The following CUX1 variants were observed in gnomAD, a reference collection of about 807,000 sequenced individuals.
CUX1 encodes cut like homeobox 1.
Under a neutral mutation model 158.8 loss-of-function variants are expected in CUX1, and 31 were observed. That is an observed-to-expected ratio of 0.20 (90% confidence interval 0.15 to 0.26). The LOEUF (loss-of-function observed/expected upper bound fraction) is 0.26, where lower values mean the gene tolerates loss of function less well. Ranked by LOEUF, CUX1 falls within the 10% of genes least tolerant of loss-of-function variation. The probability of loss-of-function intolerance (pLI) is 1.00; values close to 1 mark genes in which losing one functional copy is unlikely to be tolerated. For missense variants in CUX1, 1,589 were observed against 2,014.6 expected, an observed-to-expected ratio of 0.79 and a Z score of 4.04; for synonymous variants, 879 against 862.1, an observed-to-expected ratio of 1.02 and a Z score of -0.34.
chr7:102,216,707 ACT>A lies in CUX1; in HGVS notation c.3131-10656_3131-10655del, dbSNP rs556427408. 4.7e-3 allele frequency among the ~76,000 whole-genome samples: 591 copies of A among 125,528 alleles called. 7 individuals carry two copies. Among genetic ancestry groups the A allele is most frequent in the African/African-American group, 0.018 (564 of 31,644 alleles). The allele number at this position is 125,528 out of a possible 152,430, so 82.4% of individuals were successfully genotyped here. Reference sequence around the variant, plus strand: ...CTCCCCCACACACACTCCCACACGCACTCTCCACACACACATGCACACAGAGT... The same window carrying A: ...CTCCCCCACACACACTCCCACACGCACTCCACACACACATGCACACAGAGT... On this transcript the variant is annotated intron_variant, in intron 20 of 23. Coordinates refer to ENST00000292535, the MANE Select transcript of CUX1 (RefSeq NM_181552.4).
intron 1 of CUX1, among the ~76,000 whole-genome samples, chr7:101,859,785 C>T (rs1034639300): frequency 1.6e-4 from 24 of 152,104 alleles, no homozygotes; most frequent in African/African-American, 5.6e-4. Flanking sequence ...AAGATCCTAG[C>T]AGAAGGTTGC....
Position 102,170,350 on chromosome 7 carries a change from TAGTC to T in CUX1, c.724-89_724-86del, listed in dbSNP as rs1254954820. On this transcript the variant is annotated intron_variant, in intron 9 of 23. Transcript: ENST00000292535. ...GTTGAGTGTTTAGGAAAATCAATTA[TAGTC>T]AGTCAGGCATGAATTGATGAATGTT... is the stretch of plus-strand genomic sequence containing the variant. 6.0e-4 allele frequency: 494 copies of T among 825,326 alleles called. 5 individuals are homozygous for T. In the Middle Eastern group the frequency reaches 8.7e-3, roughly 15 times the overall value. The allele number at this position is 825,326 out of a possible 1,614,324, so 51.1% of individuals were successfully genotyped here.
chr7:101,935,521 TCTGCTGTGGGTGCCCTGCA>T (rs1416147842), intron 2 of CUX1, among the ~76,000 whole-genome samples: 1 of 152,232 alleles, frequency 6.6e-6, no homozygotes, highest in Non-Finnish European at 1.5e-5. Flanking sequence ...TGCTGGCACA[TCTGCTGTGGGTGCCCTGCA>T]CTTCTCCGGG....
intron 14 of CUX1, chr7:102,264,603 G>C (rs1790666467): frequency 6.6e-6 from 1 of 152,578 alleles, no homozygotes; most frequent in Non-Finnish European, 1.5e-5. Context: ...TCCTGGCTCT[G>C]GTGGGGAAAC....
chr7:101,816,899 C>A (rs1359487414), upstream of CUX1: 1 of 980,348 alleles, frequency 1.0e-6, no homozygotes, highest in Non-Finnish European at 1.2e-6. Flanking sequence ...TCCGGCACCC[C>A]GCGTGTGGCT....
chr7:102,248,125 T>A lies in CUX1; in HGVS notation c.3888-287T>A, dbSNP rs1300833962. The stretch of plus-strand genomic sequence containing the variant: ...CACCTGGGCAGCAACAGGGAAATTC[T>A]GTCTCAAAAAATAAAAATTAAAATA... On this transcript the variant is annotated intron_variant, in intron 23 of 23. Coordinates refer to ENST00000292535, the MANE Select transcript of CUX1 (RefSeq NM_181552.4). This position sits in a 1 kb window ranked among gnomAD's most constrained non-coding sequence, Gnocchi z 5.8. Among the ~76,000 whole-genome samples the A allele has an allele frequency of 6.6e-6, 1 of 152,220 alleles. No homozygotes were observed. Among genetic ancestry groups the A allele is most frequent in the Non-Finnish European group, 1.5e-5 (1 of 68,030 alleles).
intron 2 of CUX1, among the ~76,000 whole-genome samples, chr7:101,955,052 TC>T (rs1299633659): frequency 6.6e-6 from 1 of 151,828 alleles, no homozygotes; most frequent in East Asian, 1.9e-4. Context: ...ACACCTGTAA[TC>T]CCAGCTACTC....
At chr7:102,243,677 T>TAATAATAAA (rs544002750) in intron 23 of CUX1, among the ~76,000 whole-genome samples, 2,165 of 138,848 alleles carry the variant, frequency 0.016, 20 homozygotes, top group African/African-American at 0.034. Context: ...ATAATAATAA[T>TAATAATAAA]AAAATAAATG....
At position 102,201,854 on chromosome 7, in the gene CUX1, GGCAGCGGTGGCA is replaced by G. The variant is rs781874039; in HGVS notation, c.2560_2571del (p.Ser854_Ser857del). On this transcript the variant is annotated inframe_deletion, in exon 18 of 24. Coordinates refer to ENST00000292535, the MANE Select transcript of CUX1 (RefSeq NM_181552.4). The surrounding 1 kb of genome is among the most constrained non-coding windows in gnomAD (Gnocchi z 5.0). The stretch of plus-strand genomic sequence containing the variant: ...AGAAACGGGCGGCGGGAAAGAGAAG[GGCAGCGGTGGCA>G]GCGGAGGTGGCAGCCAGCCTCGGGC... 7 of 1,611,462 alleles carry G rather than the reference GGCAGCGGTGGCA, an allele frequency of 4.3e-6. No individual in the cohort carries two copies. Among genetic ancestry groups the G allele is most frequent in the Non-Finnish European group, 4.2e-6 (5 of 1,179,886 alleles).
rs1789917820 is a variant in CUX1 at position 102,256,595 on chromosome 7, T to G, written c.*7553T>G. 3 of 985,262 alleles carry G rather than the reference T, an allele frequency of 3.0e-6. No homozygotes were observed. Among genetic ancestry groups the G allele is most frequent in the African/African-American group, 3.5e-5 (2 of 57,220 alleles). 61.0% of individuals were successfully genotyped at this position (985,262 alleles called of 1,614,324 possible). A position where few individuals can be genotyped will look rare whatever the true frequency, so the allele number is the denominator to read the frequency against. On this transcript the variant is annotated 3_prime_UTR_variant, in exon 24 of 24. Coordinates refer to ENST00000292535, the MANE Select transcript of CUX1 (RefSeq NM_181552.4). ...GGTGGTCTCTATGTGTCTAACTTTTTAAATGAGAGTGTTTATGAACAAAAA... is the reference window on the plus strand; with the variant it reads ...GGTGGTCTCTATGTGTCTAACTTTTGAAATGAGAGTGTTTATGAACAAAAA...
rs945278299 is a variant in CUX1, at chr7:101,941,136, C to T, written c.141+24911C>T. On this transcript the variant is annotated intron_variant, in intron 2 of 23. Transcript: ENST00000292535. ...GCTTGTTTCCATGGACGCAGCCAGC[C>T]GGGCAGCCTGTTCCCGTCAACCTGA... Among the ~76,000 whole-genome samples, 7 of 152,340 alleles carry T rather than the reference C, an allele frequency of 4.6e-5. No individual in the cohort carries two copies. The East Asian group carries it at 1.2e-3, about 25-fold the overall frequency.
chr7:101,996,965 T>TCGCTCCCCTGCGCTCGTGTG (rs1815992085), intron 2 of CUX1, among the ~76,000 whole-genome samples: 3 of 141,654 alleles, frequency 2.1e-5, no homozygotes, highest in African/African-American at 3.2e-5. Context: ...CTTCTGGGAA[T>TCGCTCCCCTGCGCTCGTGTG]CGCTCCCCTG....
chr7:102,122,461 TC>T (rs1832150490), intron 8 of CUX1, among the ~76,000 whole-genome samples: 1 of 152,082 alleles, frequency 6.6e-6, no homozygotes, highest in African/African-American at 2.4e-5. Context: ...GGATTTTTCA[TC>T]TCTGTACAAG....
intron 11 of CUX1, among the ~76,000 whole-genome samples, chr7:102,179,874 G>A (rs536952660): frequency 7.9e-5 from 12 of 152,340 alleles, no homozygotes; most frequent in African/African-American, 2.9e-4. Context: ...GTACCTCCAT[G>A]TTGGGTGGGT....
At chr7:101,820,749 C>A (rs2906724) in intron 1 of CUX1, among the ~76,000 whole-genome samples, 110,445 of 152,144 alleles carry the variant, frequency 0.73, 40,851 homozygotes, top group African/African-American at 0.86. Context: ...AAAATGTTCA[C>A]AAAACCCGGA....
At chr7:102,156,605 T>C (rs1789788281) in intron 8 of CUX1, among the ~76,000 whole-genome samples, 1 of 152,100 alleles carries the variant, frequency 6.6e-6, no homozygotes. Flanking sequence ...GGGATCAAAT[T>C]TCAGTAGCAG....
intron 1 of CUX1, among the ~76,000 whole-genome samples, chr7:101,856,182 CAAAAAAAAAA>C (rs768518044): frequency 6.2e-5 from 3 of 48,040 alleles, no homozygotes; most frequent in East Asian, 6.8e-4. Context: ...GACCCTGTCT[CAAAAAAAAAA>C]AAAAAAAAAA....
Position 102,006,427 on chromosome 7 carries a change from C to T in CUX1, c.142-21671C>T, listed in dbSNP as rs546865452. On this transcript the variant is annotated intron_variant, in intron 2 of 23. Coordinates refer to ENST00000292535, the MANE Select transcript of CUX1 (RefSeq NM_181552.4). ...CTTTTCTTTCTTTGAGACAGAGTCT[C>T]GCGCTATCACCCACGCTAGAGTGAA... Among the ~76,000 whole-genome samples the T allele has an allele frequency of 1.2e-4, 18 of 152,162 alleles. No homozygotes were observed. The South Asian group carries it at 1.2e-3, about 11-fold the overall frequency.
intron 20 of CUX1, among the ~76,000 whole-genome samples, chr7:102,205,390 G>A (rs529818948): frequency 4.6e-5 from 7 of 152,296 alleles, no homozygotes; most frequent in South Asian, 2.1e-4. Flanking sequence ...AGATTTGCAC[G>A]CCCACTGTCA....
Sources: allele counts gnomAD v4.1 joint callset (sites outside exome capture counted in the v4.1 genomes callset), GRCh38; gene constraint gnomAD v4.1.1; non-coding constraint Gnocchi (gnomAD v3.1); transcripts MANE v1.5; gene names NCBI Gene and HGNC (gene_info 2026-07-23, HGNC 2026-07-21).